Variants in USH1C observed in about 807,000 individuals in gnomAD.
USH1C encodes the protein USH1 protein network component harmonin.
Under a neutral mutation model 119.3 loss-of-function variants are expected in USH1C, and 90 were observed. The observed-to-expected ratio is 0.75, with a 90% CI of 0.64 to 0.90. The LOEUF is 0.90. Among genes scored for constraint, USH1C ranks in the 40% least tolerant of loss-of-function variants. The pLI is 0.00. For synonymous variants in USH1C, 465 were observed against 443.3 expected, an observed-to-expected ratio of 1.05 and a Z score of -0.62; for missense variants, 1,165 against 1,167.7, an observed-to-expected ratio of 1.00 and a Z score of 0.03.
intron 1 of USH1C, chr11:17,533,984 C>T (rs1851118796): frequency 3.6e-6 from 1 of 278,738 alleles, no homozygotes; most frequent in East Asian, 8.4e-5. Flanking sequence ...TTGTTGACGT[C>T]AATGGCTGGC....
chr11:17,510,860 C>T (rs951091743), intron 16 of USH1C, among the ~76,000 whole-genome samples: 1 of 152,186 alleles, frequency 6.6e-6, no homozygotes, highest in African/African-American at 2.4e-5. Flanking sequence ...TCCCCCAGCA[C>T]ATTCCAAGAG....
rs976588736 is a variant in USH1C, at chr11:17,521,498, G to C, written c.1020-87C>G. 1.0e-4 allele frequency: 153 copies of C among 1,474,154 alleles called. No homozygotes were observed. The African/African-American group carries it at 2.0e-3, about 19-fold the overall frequency. The allele number at this position is 1,474,154 out of a possible 1,614,324, so 91.3% of individuals were successfully genotyped here. A position where few individuals can be genotyped will look rare whatever the true frequency, so the allele number is the denominator to read the frequency against. On this transcript the variant is annotated intron_variant, in intron 12 of 26. Coordinates refer to ENST00000005226, the MANE Select transcript of USH1C (RefSeq NM_153676.4). ...CTGTGAATTCTTGATTTGGAGAAAA[G>C]TTGGATTTTTCTCCAGGCTCCCTTC...
Position 17,510,423 on chromosome 11 carries a change from A to C in USH1C, c.1512T>G (p.Ala504=). The C allele has an allele frequency of 6.2e-7, 1 of 1,612,174 alleles. No homozygotes were observed. The highest frequency in any genetic ancestry group is 1.1e-5 in the South Asian group (1 of 90,808). ...CTGTTACCTCTGAAATCTCATTATCAGCAGAGGAAATCTGCTCGAGGCGCG... is the reference window on the plus strand; with the variant it reads ...CTGTTACCTCTGAAATCTCATTATCCGCAGAGGAAATCTGCTCGAGGCGCG... ...CQTRLEQISS[A]DNEISEMTTG... is the part of the protein sequence containing the mutation. The change falls in exon 17 of 27, where the codon GCT becomes GCG. Residue 504 remains alanine (A), a synonymous_variant. Coordinates refer to ENST00000005226, the MANE Select transcript of USH1C (RefSeq NM_153676.4).
rs758555088 is a variant in USH1C, at chr11:17,501,104, A to AT, written c.2326dup (p.Ile776AsnfsTer11). On this transcript the variant is annotated frameshift_variant, in exon 23 of 27. Transcript: ENST00000005226. LOFTEE classifies it high-confidence loss of function. ...CACAGCAGAAACGACCACCTTCCCA[A>AT]TGGGGGAGTCCACACCGCCTTCCAG... 1.4e-5 allele frequency: 22 copies of AT among 1,613,844 alleles called. No homozygotes were observed. The highest frequency in any genetic ancestry group is 1.7e-5 in the Non-Finnish European group (20 of 1,179,980).
At chr11:17,495,721 T>G (rs377747151) in intron 25 of USH1C, 44 bp from the exon 26 acceptor site, 3 of 1,603,100 alleles carry the variant, frequency 1.9e-6, no homozygotes, top group Non-Finnish European at 2.6e-6. Context: ...CAGGCTTGGT[T>G]ACTCCCAGGC....
At chr11:17,501,657 G>T (rs539059794) in intron 21 of USH1C, 122 bp from the exon 22 acceptor site, 9 of 1,198,540 alleles carry the variant, frequency 7.5e-6, no homozygotes, top group East Asian at 5.1e-5. Context: ...ATGGGCAAGG[G>T]GACCGTGCCC....
intron 15 of USH1C, among the ~76,000 whole-genome samples, chr11:17,515,894 G>T (rs954835760): frequency 6.6e-6 from 1 of 152,222 alleles, no homozygotes; most frequent in Admixed American, 6.5e-5. Flanking sequence ...AATTTGCTCT[G>T]TCTGACCCCA....
Position 17,494,036 on chromosome 11 carries a change from G to A in USH1C, c.*296C>T, listed in dbSNP as rs1849155969. 1.4e-5 allele frequency: 7 copies of A among 490,318 alleles called. No individual in the cohort carries two copies. The Admixed American group carries it at 2.3e-4, about 16-fold the overall frequency. The allele number at this position is 490,318 out of a possible 1,614,324, so 30.4% of individuals were successfully genotyped here. ...TGGGGTCTTATTAGGGTTCAAGGAA[G>A]GAGTCCCCCAGAGCTGGGAGAGACC... is the stretch of plus-strand genomic sequence containing the variant. On this transcript the variant is annotated 3_prime_UTR_variant, in exon 27 of 27. Coordinates refer to ENST00000005226, the MANE Select transcript of USH1C (RefSeq NM_153676.4).
At chr11:17,539,750 T>C (rs1288706933) in intron 1 of USH1C, among the ~76,000 whole-genome samples, 1 of 152,074 alleles carries the variant, frequency 6.6e-6, no homozygotes, top group Non-Finnish European at 1.5e-5. Flanking sequence ...TTTTGCTTTC[T>C]TTCTTTCTTG....
intron 10 of USH1C, 61 bp from the exon 11 acceptor site, chr11:17,523,328 G>T: frequency 1.9e-6 from 3 of 1,613,856 alleles, no homozygotes; most frequent in Non-Finnish European, 2.5e-6. Flanking sequence ...CAGGCAGAGA[G>T]CACAGAAGGC....
intron 20 of USH1C, among the ~76,000 whole-genome samples, chr11:17,503,782 C>T (rs545799737): frequency 6.6e-6 from 1 of 152,336 alleles, no homozygotes; most frequent in African/African-American, 2.4e-5. Context: ...GCCTCAGTTT[C>T]TCATAGATAA....
chr11:17,504,400 G>A (rs557738643), intron 20 of USH1C, among the ~76,000 whole-genome samples: 1 of 152,312 alleles, frequency 6.6e-6, no homozygotes, highest in African/African-American at 2.4e-5. Flanking sequence ...GAAGAGGTGA[G>A]TTCCCAGGGA....
At chr11:17,502,523 A>C (rs1284105637) in intron 20 of USH1C, among the ~76,000 whole-genome samples, 1 of 152,212 alleles carries the variant, frequency 6.6e-6, no homozygotes, top group Non-Finnish European at 1.5e-5. Flanking sequence ...GGTGGTGTTG[A>C]GAAGCAGTGT....
chr11:17,497,019 T>A (rs1482292601), intron 24 of USH1C: 9 of 561,848 alleles, frequency 1.6e-5, no homozygotes, highest in African/African-American at 3.8e-5. Flanking sequence ...AGGACAGGGC[T>A]GCAAGGCCCT....
At chr11:17,536,016 C>T (rs1175169117) in intron 1 of USH1C, among the ~76,000 whole-genome samples, 1 of 152,210 alleles carries the variant, frequency 6.6e-6, no homozygotes, top group Non-Finnish European at 1.5e-5. Context: ...CCTTTGCTTT[C>T]AAGAACTCCT....
chr11:17,537,055 CTCT>C (rs1328878867), intron 1 of USH1C, among the ~76,000 whole-genome samples: 1 of 152,224 alleles, frequency 6.6e-6, no homozygotes, highest in Non-Finnish European at 1.5e-5. Context: ...TCACACCTCA[CTCT>C]TCAGGCATTA....
intron 1 of USH1C, among the ~76,000 whole-genome samples, chr11:17,542,966 C>G (rs192366443): frequency 4.5e-4 from 68 of 152,328 alleles, no homozygotes; most frequent in Non-Finnish European, 7.1e-4. Context: ...TTTTCAGGAG[C>G]CTTCTGCCAG....
chr11:17,521,315 G>A, intron 13 of USH1C, 31 bp downstream of exon 13: 1 of 1,611,370 alleles, frequency 6.2e-7, no homozygotes, highest in African/African-American at 1.3e-5. Context: ...TGATGTTCAT[G>A]CACAGACACG....
In USH1C at chr11:17,531,483, C is replaced by T. The variant is rs1042393529; in HGVS notation, c.164G>A (p.Arg55His). 32 of 1,613,880 alleles carry T rather than the reference C, an allele frequency of 2.0e-5. No homozygotes were observed. The highest frequency in any genetic ancestry group is 5.3e-5 in the African/African-American group (4 of 74,920). The change falls in exon 3 of 27, where the codon CGT becomes CAT. Residue 55 changes from arginine (R) to histidine (H), a missense_variant. Transcript: ENST00000005226. The surrounding 1 kb of genome is among the most constrained non-coding windows in gnomAD (Gnocchi z 4.2). ...CCGAATGGCATCAAACAGAGGCAGA[C>T]GGCTGGGTTCATTGATGACCAGCTT... ...DLKLVINEPS[R>H]LPLFDAIRPL... is the part of the protein sequence containing the mutation.
Sources: allele counts gnomAD v4.1 joint callset (sites outside exome capture counted in the v4.1 genomes callset), GRCh38; gene constraint gnomAD v4.1.1; non-coding constraint Gnocchi (gnomAD v3.1); transcripts MANE v1.5; gene names NCBI Gene and HGNC (gene_info 2026-07-23, HGNC 2026-07-21).